The following LRRIQ3 variants were observed in gnomAD, a reference collection of about 807,000 sequenced individuals.
LRRIQ3 encodes the protein leucine rich repeats and IQ motif containing 3, also known as leucine-rich repeat and IQ domain-containing protein 3.
LRRIQ3 carries 75 observed loss-of-function variants against 59.3 expected under a neutral mutation model. The observed-to-expected ratio is 1.26, with a 90% CI of 1.05 to 1.53. LRRIQ3 has a LOEUF of 1.53. LRRIQ3 is among the 40% of genes most tolerant of loss of function. LRRIQ3 has a pLI of 0.00. For synonymous variants in LRRIQ3, 250 were observed against 231.3 expected, an observed-to-expected ratio of 1.08 and a Z score of -0.73; for missense variants, 831 against 710.0, an observed-to-expected ratio of 1.17 and a Z score of -1.94.
chr1:74,049,614 G>T (rs1246538438), intron 6 of LRRIQ3, among the ~76,000 whole-genome samples: 1 of 152,156 alleles, frequency 6.6e-6, no homozygotes, highest in East Asian at 1.9e-4. Context: ...GATGCCATTT[G>T]CTGACATGGG....
At chr1:74,080,429 A>G (rs920274657) in intron 5 of LRRIQ3, among the ~76,000 whole-genome samples, 1 of 151,654 alleles carries the variant, frequency 6.6e-6, no homozygotes, top group Non-Finnish European at 1.5e-5. Context: ...CTAGATATGT[A>G]TTTTCCCAAG....
chr1:74,062,420 T>C (rs1215874064), intron 6 of LRRIQ3, among the ~76,000 whole-genome samples: 11 of 151,760 alleles, frequency 7.2e-5, no homozygotes, highest in Admixed American at 6.6e-4. Flanking sequence ...GCTGCCAAGG[T>C]TGTGGAGGAA....
At chr1:74,178,455 T>C (rs1027269729) in intron 3 of LRRIQ3, among the ~76,000 whole-genome samples, 8 of 152,148 alleles carry the variant, frequency 5.3e-5, no homozygotes, top group African/African-American at 1.7e-4. Context: ...TTGAGTGAAT[T>C]ATAAATTTAC....
At chr1:74,127,768 A>C (rs1304617129) in intron 4 of LRRIQ3, among the ~76,000 whole-genome samples, 1 of 151,996 alleles carries the variant, frequency 6.6e-6, no homozygotes, top group Non-Finnish European at 1.5e-5. Context: ...CCACAATTAC[A>C]GTGTTAAAAT....
chr1:74,041,549 AAATGTTCATTAACAGCT>A lies in LRRIQ3; in HGVS notation c.1365_1381del (p.Ala456GlufsTer12). Reference sequence around the variant, plus strand: ...TTGTGTAGCATATTTTTTCTGATTCAAATGTTCATTAACAGCTACTCTAACTCTTTCTCGAGCAACTT... The same window carrying A: ...TTGTGTAGCATATTTTTTCTGATTCAACTCTAACTCTTTCTCGAGCAACTT... On this transcript the variant is annotated frameshift_variant, in exon 7 of 8. Transcript: ENST00000354431. LOFTEE classifies it high-confidence loss of function. 2 of 1,612,458 alleles carry A rather than the reference AAATGTTCATTAACAGCT, an allele frequency of 1.2e-6. No individual in the cohort carries two copies. The highest frequency in any genetic ancestry group is 8.5e-7 in the Non-Finnish European group (1 of 1,179,602).
At chr1:74,055,923 T>C (rs1017702482) in intron 6 of LRRIQ3, among the ~76,000 whole-genome samples, 1 of 152,028 alleles carries the variant, frequency 6.6e-6, no homozygotes, top group Non-Finnish European at 1.5e-5. Flanking sequence ...GGTGGGCACA[T>C]CACGAGGTCA....
intron 7 of LRRIQ3, among the ~76,000 whole-genome samples, chr1:74,039,697 G>A (rs1653984795): frequency 6.6e-6 from 1 of 152,166 alleles, no homozygotes; most frequent in Non-Finnish European, 1.5e-5. Flanking sequence ...AGCTTCATAA[G>A]TGAAGGAGAA....
chr1:74,081,525 C>T (rs1048970588), intron 5 of LRRIQ3, among the ~76,000 whole-genome samples: 1 of 151,318 alleles, frequency 6.6e-6, no homozygotes, highest in Non-Finnish European at 1.5e-5. Flanking sequence ...GATTTTAGAG[C>T]AGGTTATAGT....
At chr1:74,053,163 G>A (rs1244070627) in intron 6 of LRRIQ3, among the ~76,000 whole-genome samples, 5 of 133,540 alleles carry the variant, frequency 3.7e-5, no homozygotes, top group Non-Finnish European at 7.9e-5. Context: ...TGAAATAACC[G>A]GTCCTCCACA....
intron 3 of LRRIQ3, among the ~76,000 whole-genome samples, chr1:74,170,291 G>C (rs1178377799): frequency 6.6e-6 from 1 of 152,114 alleles, no homozygotes; most frequent in Non-Finnish European, 1.5e-5. Flanking sequence ...TTTCCTTCTA[G>C]AAGTTTTATA....
intron 5 of LRRIQ3, among the ~76,000 whole-genome samples, chr1:74,091,009 G>A (rs1646388882): frequency 6.6e-6 from 1 of 151,990 alleles, no homozygotes. Context: ...TTAAGAGAAG[G>A]CAAGATCCCC....
intron 4 of LRRIQ3, among the ~76,000 whole-genome samples, chr1:74,111,094 G>C (rs1420603517): frequency 2.0e-5 from 3 of 151,900 alleles, no homozygotes; most frequent in Non-Finnish European, 4.4e-5. Flanking sequence ...AGTCACGAGA[G>C]AGTGTGAATA....
intron 3 of LRRIQ3, among the ~76,000 whole-genome samples, chr1:74,169,641 T>A (rs1649201614): frequency 6.6e-6 from 1 of 152,056 alleles, no homozygotes; most frequent in South Asian, 2.1e-4. Flanking sequence ...AGCCTCAAAC[T>A]CCTGGACTCA....
At chr1:74,125,197 T>G (rs1259138202) in intron 4 of LRRIQ3, among the ~76,000 whole-genome samples, 1 of 151,900 alleles carries the variant, frequency 6.6e-6, no homozygotes, top group Non-Finnish European at 1.5e-5. Flanking sequence ...GGTTTTTCTA[T>G]GTTGATTTTG....
At chr1:74,171,127 A>T (rs1301453490) in intron 3 of LRRIQ3, among the ~76,000 whole-genome samples, 1 of 152,118 alleles carries the variant, frequency 6.6e-6, no homozygotes, top group Non-Finnish European at 1.5e-5. Context: ...CTTCCATCCT[A>T]ACTTTCATGG....
intron 6 of LRRIQ3, among the ~76,000 whole-genome samples, chr1:74,068,500 G>A (rs1327408403): frequency 6.6e-6 from 1 of 152,050 alleles, no homozygotes; most frequent in Admixed American, 6.6e-5. Flanking sequence ...CAATGCAGGG[G>A]AGCACATGGA....
At chr1:74,036,522 G>T (rs188565222) in intron 7 of LRRIQ3, among the ~76,000 whole-genome samples, 26 of 152,212 alleles carry the variant, frequency 1.7e-4, no homozygotes, top group Admixed American at 1.5e-3. Context: ...AATTTGTTAT[G>T]CCTTTTTCTT....
intron 1 of LRRIQ3, among the ~76,000 whole-genome samples, chr1:74,192,294 T>C (rs1050713892): frequency 6.6e-6 from 1 of 152,136 alleles, no homozygotes; most frequent in Non-Finnish European, 1.5e-5. Flanking sequence ...GTTACAAAAG[T>C]ATATTGCATA....
chr1:74,165,061 G>GAT (rs1648891944), intron 3 of LRRIQ3, among the ~76,000 whole-genome samples: 1 of 151,288 alleles, frequency 6.6e-6, no homozygotes, highest in Non-Finnish European at 1.5e-5. Flanking sequence ...TCTTGATTAC[G>GAT]ATAGCTACAC....
Sources: allele counts gnomAD v4.1 joint callset (sites outside exome capture counted in the v4.1 genomes callset), GRCh38; gene constraint gnomAD v4.1.1; transcripts MANE v1.5; gene names NCBI Gene and HGNC (gene_info 2026-07-23, HGNC 2026-07-21).